The following DCDC2C variants were observed in gnomAD, a reference collection of about 807,000 sequenced individuals.
The protein encoded by DCDC2C is doublecortin domain containing 2C.
Under a neutral mutation model 45.0 loss-of-function variants are expected in DCDC2C, and 44 were observed. The observed-to-expected ratio is 0.98, with a 90% CI of 0.77 to 1.26. The LOEUF is 1.26. Among genes scored for constraint, DCDC2C ranks in the 50% most tolerant of loss-of-function variants. DCDC2C has a pLI of 0.00. For missense variants in DCDC2C, 447 were observed against 468.9 expected (o/e 0.95, Z 0.43); for synonymous variants, 187 against 178.8 (o/e 1.05, Z -0.37).
At chr2:3,837,746 T>A (rs1240399909) in intron 10 of DCDC2C, among the ~76,000 whole-genome samples, 1 of 151,740 alleles carries the variant, frequency 6.6e-6, no homozygotes, top group Non-Finnish European at 1.5e-5. Context: ...ATTCTTTGAG[T>A]ATCAAGAGAG....
chr2:3,771,895 T>G (rs990926333), intron 8 of DCDC2C, among the ~76,000 whole-genome samples: 4 of 152,226 alleles, frequency 2.6e-5, no homozygotes, highest in African/African-American at 9.6e-5. Flanking sequence ...GTGAGAACTT[T>G]CCAGGCCATT....
At chr2:3,803,349 C>T (rs924750557) in intron 10 of DCDC2C, among the ~76,000 whole-genome samples, 1 of 151,884 alleles carries the variant, frequency 6.6e-6, no homozygotes, top group Admixed American at 6.5e-5. Flanking sequence ...TTGTTCACAT[C>T]TCAGTGCTGG....
At chr2:3,840,770 C>T (rs1328619343) in intron 10 of DCDC2C, among the ~76,000 whole-genome samples, 1 of 152,240 alleles carries the variant, frequency 6.6e-6, no homozygotes, top group Admixed American at 6.5e-5. Context: ...CCAGTGCTCA[C>T]TCACGGAGAC....
chr2:3,819,113 G>A (rs945793315), intron 10 of DCDC2C, among the ~76,000 whole-genome samples: 1 of 152,086 alleles, frequency 6.6e-6, no homozygotes, highest in African/African-American at 2.4e-5. Flanking sequence ...GAGTTACCCA[G>A]AGCGTCTGTG....
intron 10 of DCDC2C, among the ~76,000 whole-genome samples, chr2:3,817,635 A>G (rs937629784): frequency 2.6e-5 from 4 of 152,182 alleles, no homozygotes; most frequent in African/African-American, 9.6e-5. Flanking sequence ...CTAAAACAGT[A>G]AGGTTAAGTT....
At chr2:3,836,656 A>T (rs1572650949) in intron 10 of DCDC2C, among the ~76,000 whole-genome samples, 1 of 152,194 alleles carries the variant, frequency 6.6e-6, no homozygotes, top group East Asian at 1.9e-4. Flanking sequence ...AGGTCAGGAG[A>T]TTGAGAACAT....
At chr2:3,710,378 C>G (rs35829157) in intron 2 of DCDC2C, among the ~76,000 whole-genome samples, 1 of 152,070 alleles carries the variant, frequency 6.6e-6, no homozygotes, top group Non-Finnish European at 1.5e-5. Context: ...CTCTGACAGG[C>G]GCCAGTGTGT....
chr2:3,790,031 T>C lies in DCDC2C; in HGVS notation c.1065+4931T>C, dbSNP rs116817643. ...TTTTTAGTCTTCTTGTCTTTATGAC[T>C]GTACCTCAAATCATAGTGTGCTTAG... On this transcript the variant is annotated intron_variant, in intron 10 of 10. Coordinates refer to ENST00000399143, the MANE Select transcript of DCDC2C (RefSeq NM_001287444.2). Among the ~76,000 whole-genome samples the C allele has an allele frequency of 9.2e-3, 1,396 of 152,366 alleles. 24 individuals are homozygous for C. The highest frequency in any genetic ancestry group is 0.031 in the African/African-American group (1,285 of 41,588).
At chr2:3,831,449 C>T (rs1164798553) in intron 10 of DCDC2C, among the ~76,000 whole-genome samples, 1 of 152,160 alleles carries the variant, frequency 6.6e-6, no homozygotes, top group Non-Finnish European at 1.5e-5. Context: ...TGAATAACAT[C>T]GGCAACTGTA....
chr2:3,769,886 A>T (rs1234188833), intron 8 of DCDC2C, among the ~76,000 whole-genome samples: 1 of 152,168 alleles, frequency 6.6e-6, no homozygotes, highest in Non-Finnish European at 1.5e-5. Context: ...TTATCCATAG[A>T]TGGGGATGCT....
At chr2:3,846,202 C>T (rs1354291995) in intron 10 of DCDC2C, among the ~76,000 whole-genome samples, 2 of 151,720 alleles carry the variant, frequency 1.3e-5, no homozygotes, top group South Asian at 2.1e-4. Flanking sequence ...CTTCCCCACC[C>T]CCGTCCTCCT....
chr2:3,711,729 T>C (rs975701724), intron 2 of DCDC2C, among the ~76,000 whole-genome samples: 1 of 151,896 alleles, frequency 6.6e-6, no homozygotes, highest in Non-Finnish European at 1.5e-5. Flanking sequence ...TGTAATGTAA[T>C]GGACCCTTTG....
chr2:3,801,867 C>T (rs939098880), intron 10 of DCDC2C, among the ~76,000 whole-genome samples: 2 of 152,248 alleles, frequency 1.3e-5, no homozygotes, highest in Non-Finnish European at 2.9e-5. Context: ...GGCTCCCAGC[C>T]CTGGGCTGAC....
rs540021837 is a variant in DCDC2C, at chr2:3,759,996, A to G, written c.726+5362A>G. 2.6e-5 allele frequency among the ~76,000 whole-genome samples: 4 copies of G among 152,350 alleles called. No individual in the cohort carries two copies. In the South Asian group the frequency reaches 8.3e-4, roughly 32 times the overall value. The stretch of plus-strand genomic sequence containing the variant: ...CTCTGACCTCTGCACTTGGAATCCC[A>G]GCTGTACTTAACATTCGAGTGGCTT... On this transcript the variant is annotated intron_variant, in intron 6 of 10. Coordinates refer to ENST00000399143, the MANE Select transcript of DCDC2C (RefSeq NM_001287444.2).
At chr2:3,746,401 C>G (rs1360976858) in intron 4 of DCDC2C, among the ~76,000 whole-genome samples, 1 of 152,166 alleles carries the variant, frequency 6.6e-6, no homozygotes, top group Non-Finnish European at 1.5e-5. Flanking sequence ...GAGCACGACC[C>G]ACTCTAAGAA....
intron 10 of DCDC2C, among the ~76,000 whole-genome samples, chr2:3,798,696 G>T (rs1361114749): frequency 3.3e-5 from 5 of 151,392 alleles, no homozygotes; most frequent in South Asian, 2.1e-4. Context: ...TTGAATATTG[G>T]CCCCCACTCT....
chr2:3,832,750 G>T (rs1454237), intron 10 of DCDC2C, among the ~76,000 whole-genome samples: 1 of 151,986 alleles, frequency 6.6e-6, no homozygotes, highest in Non-Finnish European at 1.5e-5. Context: ...AGCACTGAGC[G>T]CAGGGCTCAA....
intron 10 of DCDC2C, among the ~76,000 whole-genome samples, chr2:3,827,273 C>A (rs1671845214): frequency 6.6e-6 from 1 of 152,028 alleles, no homozygotes; most frequent in Non-Finnish European, 1.5e-5. Context: ...TTGTTGGACA[C>A]CAAAAGGCAA....
intron 10 of DCDC2C, among the ~76,000 whole-genome samples, chr2:3,842,825 G>A (rs1368253672): frequency 1.3e-5 from 2 of 152,028 alleles, no homozygotes; most frequent in Non-Finnish European, 2.9e-5. Flanking sequence ...TTTGCAACAG[G>A]AGGAGAAGGA....
Sources: allele counts gnomAD v4.1 joint callset (sites outside exome capture counted in the v4.1 genomes callset), GRCh38; gene constraint gnomAD v4.1.1; transcripts MANE v1.5; gene names NCBI Gene and HGNC (gene_info 2026-07-23, HGNC 2026-07-21).